DYNLT3: variants seen among roughly 807,000 people sequenced by gnomAD.
The protein encoded by DYNLT3 is protein 91/23.
Under a neutral mutation model 11.0 loss-of-function variants are expected in DYNLT3, and 4 were observed. That is an observed-to-expected ratio of 0.36 (90% CI 0.18 to 0.83). The LOEUF (loss-of-function observed/expected upper bound fraction) is 0.83. Among genes scored for constraint, DYNLT3 ranks in the 40% least tolerant of loss-of-function variants. DYNLT3 has a pLI of 0.47. For missense variants in DYNLT3, 91 were observed against 91.1 expected (o/e 1.00, Z 0.01); for synonymous variants, 37 against 31.2 (o/e 1.18, Z -0.61).
At chrX:37,846,254 T>C in intron 2 of DYNLT3, 63 bp downstream of exon 2, 1 of 1,092,370 alleles carries the variant, frequency 9.2e-7, no homozygotes, top group African/African-American at 1.8e-5. Flanking sequence ...AAACTCAAAA[T>C]ATAGCTTTTA....
chrX:37,841,187 T>G, intron 3 of DYNLT3, 82 bp from the exon 4 acceptor site: 4 of 789,240 alleles, frequency 5.1e-6, no homozygotes, highest in Non-Finnish European at 5.3e-6. Context: ...TTCAGAGCTC[T>G]ACAAGCCGAA....
rs754105564 is a variant in DYNLT3, at chrX:37,842,343, G to A, written c.73-438C>T. Among the ~76,000 whole-genome samples, 5 of 111,836 alleles carry A rather than the reference G, an allele frequency of 4.5e-5. No individual in the cohort carries two copies. In the East Asian group the frequency reaches 1.4e-3, roughly 31 times the overall value. ...GATTTGAACTAGGGCTCACATGCTA[G>A]AAACAGGATGGGACTAATTTAAAAA... On this transcript the variant is annotated intron_variant, in intron 2 of 4. Coordinates refer to ENST00000378578, the MANE Select transcript of DYNLT3 (RefSeq NM_006520.3).
chrX:37,841,054 G>C lies in DYNLT3; in HGVS notation c.248C>G (p.Ser83Cys). 2 of 1,210,410 alleles carry C rather than the reference G, an allele frequency of 1.7e-6. No individual in the cohort carries two copies. The highest frequency in any genetic ancestry group is 2.2e-6 in the Non-Finnish European group (2 of 894,975). The change falls in exon 4 of 5, where the codon TCC (serine) becomes TGC (cysteine). Residue 83 changes from serine (S) to cysteine (C), a missense_variant. Coordinates refer to ENST00000378578, the MANE Select transcript of DYNLT3 (RefSeq NM_006520.3). ...ATCAGATGTGGTATCCCAAAAACAG[G>C]AGCTGGCTGTGTGAAAGCCATATGC... is the stretch of plus-strand genomic sequence containing the variant. ...KSAYGFHTAS[S>C]CFWDTTSDGT...
chrX:37,840,476 T>C lies in DYNLT3; in HGVS notation c.*99A>G. ...GATAGCTTTAAAGCATATTGCACGC[T>C]TTTCATCTAGCACACTAGTAAACAA... On this transcript the variant is annotated 3_prime_UTR_variant, in exon 5 of 5. Transcript: ENST00000378578. The C allele has an allele frequency of 1.3e-6, 1 of 749,056 alleles. No homozygotes were observed. The highest frequency in any genetic ancestry group is 1.9e-6 in the Non-Finnish European group (1 of 537,077). The allele number at this position is 749,056 out of a possible 1,213,427, so 61.7% of individuals were successfully genotyped here. A position where few individuals can be genotyped will look rare whatever the true frequency, so the allele number is the denominator to read the frequency against.
intron 2 of DYNLT3, among the ~76,000 whole-genome samples, chrX:37,842,903 G>A (rs756798663): frequency 2.7e-5 from 3 of 111,700 alleles, no homozygotes; most frequent in Non-Finnish European, 3.8e-5. Context: ...TTCATTTTTA[G>A]AATCTAACAC....
rs1007549819 is a variant in DYNLT3 at position 37,840,769 on chromosome X, C to G, written c.275-118G>C. ...ACACATATACACACACACACACACA[C>G]ACACACACACACACACACACATATA... is the stretch of plus-strand genomic sequence containing the variant. On this transcript the variant is annotated intron_variant, in intron 4 of 4. Transcript: ENST00000378578. 537 of 356,661 alleles carry G rather than the reference C, an allele frequency of 1.5e-3. 6 individuals are homozygous for G. In the African/African-American group the frequency reaches 0.021, roughly 14 times the overall value. 29.4% of individuals were successfully genotyped at this position (356,661 alleles called of 1,213,427 possible).
At chrX:37,842,249 C>G (rs1006178933) in intron 2 of DYNLT3, among the ~76,000 whole-genome samples, 1 of 111,505 alleles carries the variant, frequency 9.0e-6, no homozygotes, top group African/African-American at 3.3e-5. Context: ...TAAATTATGT[C>G]ATAAAAATTA....
chrX:37,845,064 G>A (rs1569482118), intron 2 of DYNLT3, among the ~76,000 whole-genome samples: 1 of 111,683 alleles, frequency 9.0e-6, no homozygotes, highest in Non-Finnish European at 1.9e-5. Flanking sequence ...CATCAACCAA[G>A]GACAGTCTTT....
At position 37,847,180 on chromosome X, in the gene DYNLT3, C is replaced by G. The variant is rs1569482221; in HGVS notation, c.30+301G>C. 6 of 1,101,086 alleles carry G rather than the reference C, an allele frequency of 5.4e-6. No individual in the cohort carries two copies. The East Asian group carries it at 1.3e-4, about 24-fold the overall frequency. The allele number at this position is 1,101,086 out of a possible 1,213,427, so 90.7% of individuals were successfully genotyped here. A position where few individuals can be genotyped will look rare whatever the true frequency, so the allele number is the denominator to read the frequency against. ...CGAGGCCCGCCCGGTAGGAGGGCGGCGCCCGTCACCCCATGCCCACTCCTC... is the reference window on the plus strand; with the variant it reads ...CGAGGCCCGCCCGGTAGGAGGGCGGGGCCCGTCACCCCATGCCCACTCCTC... On this transcript the variant is annotated intron_variant, in intron 1 of 4. Coordinates refer to ENST00000378578, the MANE Select transcript of DYNLT3 (RefSeq NM_006520.3).
intron 4 of DYNLT3, 22 bp downstream of exon 4, chrX:37,841,006 A>C (rs751356086): frequency 1.7e-6 from 2 of 1,206,296 alleles, no homozygotes; most frequent in Non-Finnish European, 2.2e-6. Context: ...GATTTTGTGT[A>C]AATCAGCTTA....
intron 4 of DYNLT3, 49 bp from the exon 5 acceptor site, chrX:37,840,700 A>G: frequency 1.1e-6 from 1 of 885,294 alleles, no homozygotes; most frequent in Non-Finnish European, 1.6e-6. Flanking sequence ...CATAAAAATT[A>G]TCAGAGAATA....
chrX:37,841,661 G>A, intron 3 of DYNLT3, 121 bp downstream of exon 3: 1 of 728,031 alleles, frequency 1.4e-6, no homozygotes, highest in Non-Finnish European at 1.8e-6. Context: ...TAAATCAGAA[G>A]TCCTTTATAC....
chrX:37,846,446 G>A, intron 1 of DYNLT3, 88 bp from the exon 2 acceptor site: 1 of 865,940 alleles, frequency 1.2e-6, no homozygotes, highest in Non-Finnish European at 1.6e-6. Flanking sequence ...GCCTAGACAG[G>A]TGTTAAAGTG....
intron 2 of DYNLT3, among the ~76,000 whole-genome samples, chrX:37,842,168 G>A (rs1256932854): frequency 9.0e-6 from 1 of 111,158 alleles, no homozygotes; most frequent in African/African-American, 3.3e-5. Flanking sequence ...TGGCTTCTGT[G>A]TAAATAACTT....
intron 2 of DYNLT3, among the ~76,000 whole-genome samples, chrX:37,842,633 A>G (rs1211699997): frequency 9.0e-6 from 1 of 111,661 alleles, no homozygotes; most frequent in Admixed American, 9.5e-5. Flanking sequence ...TTTAAGGCCT[A>G]CTTTGACACC....
intron 4 of DYNLT3, 31 bp from the exon 5 acceptor site, chrX:37,840,682 C>A: frequency 9.4e-7 from 1 of 1,059,507 alleles, no homozygotes. Context: ...TTTGAAATAC[C>A]AGCAAAACAT....
intron 1 of DYNLT3, 163 bp downstream of exon 1, chrX:37,847,318 G>A: frequency 3.4e-6 from 3 of 878,562 alleles, no homozygotes; most frequent in Non-Finnish European, 4.5e-6. Flanking sequence ...TGGGGAGAAC[G>A]GGTCGGGCGG....
intron 4 of DYNLT3, 70 bp from the exon 5 acceptor site, chrX:37,840,721 TATACACACACAC>T (rs1355660621): frequency 5.0e-6 from 3 of 597,601 alleles, no homozygotes; most frequent in East Asian, 7.8e-5. Flanking sequence ...TATATATATA[TATACACACACAC>T]ACACACACAC....
chrX:37,845,350 C>T (rs1345966636), intron 2 of DYNLT3, among the ~76,000 whole-genome samples: 2 of 112,169 alleles, frequency 1.8e-5, no homozygotes, highest in Non-Finnish European at 3.8e-5. Flanking sequence ...TCAAAAAATA[C>T]CTTTCCCACA....
Sources: gnomAD v4.1 joint callset for allele counts (sites outside exome capture counted in the v4.1 genomes callset) on GRCh38, gnomAD v4.1.1 for gene constraint, MANE v1.5 for transcripts, NCBI Gene and HGNC (gene_info 2026-07-23, HGNC 2026-07-21) for gene names.